The following SREK1IP1 variants were observed in gnomAD, a reference collection of about 807,000 sequenced individuals.
SREK1IP1 encodes protein SREK1IP1.
Under a neutral mutation model 22.8 loss-of-function variants are expected in SREK1IP1, and 12 were observed. The observed-to-expected ratio is 0.53, with a 90% CI of 0.34 to 0.85. SREK1IP1 has a LOEUF of 0.85. SREK1IP1 is among the 40% of genes least tolerant of loss of function. SREK1IP1 has a pLI of 0.02. For synonymous variants in SREK1IP1, 53 were observed against 52.7 expected, an observed-to-expected ratio of 1.01 and a Z score of -0.02; for missense variants, 147 against 171.8, an observed-to-expected ratio of 0.86 and a Z score of 0.81.
At chr5:64,749,824 T>A (rs1241421681) in intron 2 of SREK1IP1, among the ~76,000 whole-genome samples, 2 of 152,194 alleles carry the variant, frequency 1.3e-5, no homozygotes, top group Non-Finnish European at 2.9e-5. Context: ...CTAGTCTTTT[T>A]CGATAGATTC....
At chr5:64,739,416 G>C (rs550877133) in intron 3 of SREK1IP1, among the ~76,000 whole-genome samples, 2 of 152,024 alleles carry the variant, frequency 1.3e-5, no homozygotes, top group Non-Finnish European at 2.9e-5. Flanking sequence ...GGGAACTGAG[G>C]GTCTAACTCG....
intron 2 of SREK1IP1, among the ~76,000 whole-genome samples, chr5:64,751,526 C>G (rs1487136164): frequency 6.6e-6 from 1 of 152,192 alleles, no homozygotes; most frequent in African/African-American, 2.4e-5. Context: ...GGACAAGGTA[C>G]CTGCTTCTCA....
intron 3 of SREK1IP1, among the ~76,000 whole-genome samples, chr5:64,734,210 T>C (rs1464350855): frequency 6.6e-6 from 1 of 152,142 alleles, no homozygotes; most frequent in East Asian, 1.9e-4. Flanking sequence ...AAATCAATTG[T>C]CACATATGTA....
intron 1 of SREK1IP1, among the ~76,000 whole-genome samples, chr5:64,761,304 G>A (rs1742949113): frequency 1.3e-5 from 2 of 152,130 alleles, no homozygotes; most frequent in Non-Finnish European, 2.9e-5. Context: ...GTTGCTAAGA[G>A]GTGCTCAACA....
At chr5:64,755,179 C>T (rs965536124) in intron 1 of SREK1IP1, among the ~76,000 whole-genome samples, 1 of 150,958 alleles carries the variant, frequency 6.6e-6, no homozygotes, top group African/African-American at 2.4e-5. Flanking sequence ...TAAAACAGCA[C>T]TATCATTCGA....
chr5:64,744,074 C>T (rs923304260), intron 2 of SREK1IP1, among the ~76,000 whole-genome samples: 4 of 152,086 alleles, frequency 2.6e-5, no homozygotes, highest in African/African-American at 9.7e-5. Flanking sequence ...CAAGCATGTG[C>T]ATTAAGAGGC....
At chr5:64,764,253 T>G (rs1742999074) in intron 1 of SREK1IP1, among the ~76,000 whole-genome samples, 1 of 152,168 alleles carries the variant, frequency 6.6e-6, no homozygotes, top group East Asian at 1.9e-4. Flanking sequence ...ACTATACTAG[T>G]TTATCTATGG....
intron 1 of SREK1IP1, among the ~76,000 whole-genome samples, chr5:64,757,868 T>TTTTTC: frequency 8.2e-6 from 1 of 121,952 alleles, no homozygotes; most frequent in East Asian, 2.2e-4. Context: ...TATCTTTTTT[T>TTTTTC]TTTTTTTTTT....
chr5:64,733,778 T>G (rs1215866975), intron 3 of SREK1IP1, among the ~76,000 whole-genome samples: 1 of 152,274 alleles, frequency 6.6e-6, no homozygotes, highest in East Asian at 1.9e-4. Context: ...AACAGTAGTA[T>G]ATCCATAACA....
intron 3 of SREK1IP1, among the ~76,000 whole-genome samples, chr5:64,729,497 T>A (rs1742339266): frequency 6.6e-6 from 1 of 152,156 alleles, no homozygotes; most frequent in Non-Finnish European, 1.5e-5. Flanking sequence ...TAAATACATG[T>A]AGAATACCAT....
intron 2 of SREK1IP1, among the ~76,000 whole-genome samples, chr5:64,746,733 C>T (rs1416381262): frequency 6.6e-6 from 1 of 152,150 alleles, no homozygotes; most frequent in Non-Finnish European, 1.5e-5. Flanking sequence ...GCCAGTTCTC[C>T]AACTTTCTGG....
At position 64,748,900 on chromosome 5, in the gene SREK1IP1, G is replaced by A. The variant is rs918363615; in HGVS notation, c.61+5415C>T. 2.6e-5 allele frequency among the ~76,000 whole-genome samples: 4 copies of A among 152,022 alleles called. No homozygotes were observed. In the South Asian group the frequency reaches 6.2e-4, roughly 24 times the overall value. Reference sequence around the variant, plus strand: ...ACTGGAGATCATGAAACCTATTTCAGAGTTATTTTAAGAATAAAATAATAT... The same window carrying A: ...ACTGGAGATCATGAAACCTATTTCAAAGTTATTTTAAGAATAAAATAATAT... On this transcript the variant is annotated intron_variant, in intron 2 of 4. Transcript: ENST00000513458.
intron 4 of SREK1IP1, among the ~76,000 whole-genome samples, chr5:64,725,016 A>G (rs942812963): frequency 6.6e-6 from 1 of 152,194 alleles, no homozygotes. Context: ...GTACGTTCAT[A>G]TGAATGAATG....
intron 1 of SREK1IP1, among the ~76,000 whole-genome samples, chr5:64,767,551 G>T (rs1304763399): frequency 6.6e-6 from 1 of 152,210 alleles, no homozygotes; most frequent in Admixed American, 6.5e-5. Context: ...TCTGTAGAAG[G>T]AGGTTCAAAA....
intron 1 of SREK1IP1, among the ~76,000 whole-genome samples, chr5:64,758,989 T>C (rs1046196418): frequency 5.9e-5 from 9 of 152,242 alleles, no homozygotes; most frequent in African/African-American, 1.9e-4. Flanking sequence ...ACCCAAGAGT[T>C]TGAATCTGAG....
intron 2 of SREK1IP1, among the ~76,000 whole-genome samples, chr5:64,746,720 A>C (rs200277357): frequency 6.6e-6 from 1 of 152,154 alleles, no homozygotes; most frequent in Non-Finnish European, 1.5e-5. Context: ...TTCCACACCA[A>C]CAGCCAGTTC....
intron 2 of SREK1IP1, among the ~76,000 whole-genome samples, chr5:64,749,810 T>C (rs1742709780): frequency 6.6e-6 from 1 of 152,164 alleles, no homozygotes; most frequent in Non-Finnish European, 1.5e-5. Context: ...TCATTGCCCC[T>C]TTCCTAGTCT....
chr5:64,736,790 A>G (rs1214595116), intron 3 of SREK1IP1, among the ~76,000 whole-genome samples: 3 of 150,584 alleles, frequency 2.0e-5, no homozygotes, highest in African/African-American at 4.8e-5. Flanking sequence ...TATTCTCTTG[A>G]CCAAATGACC....
At chr5:64,751,832 A>G (rs574333002) in intron 2 of SREK1IP1, among the ~76,000 whole-genome samples, 1 of 152,350 alleles carries the variant, frequency 6.6e-6, no homozygotes, top group East Asian at 1.9e-4. Flanking sequence ...CACACACAAG[A>G]CTGAACACCA....
Sources: gnomAD v4.1 joint callset for allele counts (sites outside exome capture counted in the v4.1 genomes callset) on GRCh38, gnomAD v4.1.1 for gene constraint, MANE v1.5 for transcripts, NCBI Gene and HGNC (gene_info 2026-07-23, HGNC 2026-07-21) for gene names.